The following PDZD2 variants were observed in gnomAD, a reference collection of about 807,000 sequenced individuals.
PDZD2 encodes the protein PDZ domain-containing protein 2.
Under a neutral mutation model 220.7 loss-of-function variants are expected in PDZD2, and 90 were observed. That is an observed-to-expected ratio of 0.41 (90% CI 0.34 to 0.49). The LOEUF is 0.49. Ranked by LOEUF, PDZD2 falls within the 20% of genes least tolerant of loss-of-function variation. PDZD2 has a pLI of 0.28. For missense variants in PDZD2, 3,174 were observed against 3,608.5 expected (o/e 0.88, Z 3.08); for synonymous variants, 1,375 against 1,450.5 (o/e 0.95, Z 1.18).
At position 32,057,990 on chromosome 5, in the gene PDZD2, A is replaced by C. The variant is rs35411942; in HGVS notation, c.2087A>C (p.Asn696Thr). The C allele has an allele frequency of 1.9e-6, 3 of 1,613,288 alleles. No individual in the cohort carries two copies. Among genetic ancestry groups the C allele is most frequent in the Non-Finnish European group, 1.7e-6 (2 of 1,179,454 alleles). Reference sequence around the variant, plus strand: ...AGCAGATCCGCCTCCCCGAACTTCAATACCAGTGGGGGAGCCTCAGCGGGA... The same window carrying C: ...AGCAGATCCGCCTCCCCGAACTTCACTACCAGTGGGGGAGCCTCAGCGGGA... ...HMSRSASPNF[N>T]TSGGASAGGS... Residue 696 changes from asparagine (N) to threonine (T), a missense_variant, in exon 12 of 25, where the codon AAT (asparagine) becomes ACT (threonine). Physicochemically the swap from Asn to Thr is moderately conservative, Grantham distance 65. This residue lies in a region of PDZD2 where 1,861 missense variants were observed against 2,001.0 expected (regional missense o/e 0.93). Transcript: ENST00000438447.
rs1487008519 is a variant in PDZD2, at chr5:31,733,191, A to G, written c.-360-65698A>G. ...TTCGGGGTGGGTTACCTTCCAGTGG[A>G]TAGTGCCTGGAAGGGAGTACAGGGG... On this transcript the variant is annotated intron_variant, in intron 1 of 24. Transcript: ENST00000438447. 2.6e-5 allele frequency among the ~76,000 whole-genome samples: 4 copies of G among 152,104 alleles called. No homozygotes were observed. In the East Asian group the frequency reaches 5.8e-4, roughly 22 times the overall value.
At chr5:32,104,810 T>C (rs1441998042) in intron 24 of PDZD2, among the ~76,000 whole-genome samples, 1 of 147,360 alleles carries the variant, frequency 6.8e-6, no homozygotes, top group Non-Finnish European at 1.5e-5. Context: ...GATTAGAAGA[T>C]ATTTACAATA....
chr5:32,042,420 AAAATT>A (rs1019478716), intron 7 of PDZD2, among the ~76,000 whole-genome samples: 14 of 151,446 alleles, frequency 9.2e-5, no homozygotes, highest in African/African-American at 3.2e-4. Context: ...AAAAAAAAAA[AAAATT>A]AGTTGGGTGT....
chr5:31,656,055 C>T (rs999145747), intron 1 of PDZD2, among the ~76,000 whole-genome samples: 7 of 152,172 alleles, frequency 4.6e-5, no homozygotes, highest in African/African-American at 1.4e-4. Flanking sequence ...AGGCATAGAC[C>T]CCATGCTGCA....
chr5:31,777,929 C>G (rs1296431410), intron 1 of PDZD2, among the ~76,000 whole-genome samples: 1 of 152,206 alleles, frequency 6.6e-6, no homozygotes, highest in Non-Finnish European at 1.5e-5. Context: ...AATCAGTGCT[C>G]TGTGTCTAGC....
intron 1 of PDZD2, among the ~76,000 whole-genome samples, chr5:31,775,379 C>A (rs1008680606): frequency 4.0e-5 from 6 of 151,642 alleles, no homozygotes; most frequent in African/African-American, 1.5e-4. Flanking sequence ...AAGCATGTGG[C>A]GGCTTGGCAG....
intron 2 of PDZD2, among the ~76,000 whole-genome samples, chr5:31,861,348 T>C (rs943549376): frequency 2.0e-5 from 3 of 152,214 alleles, no homozygotes; most frequent in Non-Finnish European, 4.4e-5. Context: ...GGTGGAGATT[T>C]ATTTATGCAT....
At position 32,098,993 on chromosome 5, in the gene PDZD2, A is replaced by G. The variant is rs1743999392; in HGVS notation, c.8218+359A>G. On this transcript the variant is annotated intron_variant, in intron 23 of 24. Transcript: ENST00000438447. This position sits in a 1 kb window ranked among gnomAD's most constrained non-coding sequence, Gnocchi z 4.1. ...ACGGGGCGAGCAGTGTTGAAGGAGA[A>G]ATTCCAGAACTAAGATTTATCCTTG... is the stretch of plus-strand genomic sequence containing the variant. 6.6e-6 allele frequency among the ~76,000 whole-genome samples: 1 copy of G among 152,068 alleles called. No individual in the cohort carries two copies. Among genetic ancestry groups the G allele is most frequent in the Non-Finnish European group, 1.5e-5 (1 of 68,014 alleles).
intron 2 of PDZD2, among the ~76,000 whole-genome samples, chr5:31,876,055 C>A (rs1199933660): frequency 1.3e-5 from 2 of 152,100 alleles, no homozygotes; most frequent in Non-Finnish European, 2.9e-5. Flanking sequence ...ATATTGACAT[C>A]TTTAAAATGT....
chr5:31,881,774 G>C (rs1389834824), intron 2 of PDZD2, among the ~76,000 whole-genome samples: 1 of 151,650 alleles, frequency 6.6e-6, no homozygotes, highest in Non-Finnish European at 1.5e-5. Flanking sequence ...GGAGTGCAGT[G>C]GCACGATCTC....
intron 1 of PDZD2, among the ~76,000 whole-genome samples, chr5:31,665,400 T>C (rs1745943647): frequency 6.6e-6 from 1 of 152,100 alleles, no homozygotes; most frequent in African/African-American, 2.4e-5. Context: ...CAAATTCAGC[T>C]TGTGTTCTGG....
chr5:31,938,826 A>G (rs1372538916), intron 2 of PDZD2, among the ~76,000 whole-genome samples: 1 of 152,132 alleles, frequency 6.6e-6, no homozygotes, highest in Non-Finnish European at 1.5e-5. Context: ...ACAGTATTTC[A>G]TTGTTATGTC....
At chr5:32,058,896 G>A (rs1011267098) in intron 12 of PDZD2, among the ~76,000 whole-genome samples, 16 of 152,146 alleles carry the variant, frequency 1.1e-4, no homozygotes, top group Non-Finnish European at 1.5e-5. Flanking sequence ...GTGTTAAAAA[G>A]AAAAGCAAAA....
At chr5:31,988,283 T>G (rs6878827) in intron 3 of PDZD2, among the ~76,000 whole-genome samples, 11,700 of 152,298 alleles carry the variant, frequency 0.077, 570 homozygotes, top group South Asian at 0.13. Context: ...ATTATCTGAT[T>G]CCTGGTTAAC....
intron 2 of PDZD2, among the ~76,000 whole-genome samples, chr5:31,914,494 C>T (rs952559937): frequency 6.6e-6 from 1 of 152,180 alleles, no homozygotes; most frequent in African/African-American, 2.4e-5. Flanking sequence ...CACCACTGCA[C>T]TCCAGCCTGG....
intron 1 of PDZD2, chr5:31,744,485 G>A (rs1750463360): frequency 2.0e-5 from 3 of 151,906 alleles, no homozygotes; most frequent in Admixed American, 6.6e-5. Context: ...AAAACGAGTT[G>A]TTTAAAGTGC....
chr5:31,787,924 G>A (rs80256824), intron 1 of PDZD2, among the ~76,000 whole-genome samples: 28,830 of 152,014 alleles, frequency 0.19, 3,281 homozygotes, highest in East Asian at 0.56. Flanking sequence ...CCAGTGGACC[G>A]CAGCCTCCAC....
At chr5:32,036,283 C>G (rs1380815855) in intron 6 of PDZD2, among the ~76,000 whole-genome samples, 1 of 152,142 alleles carries the variant, frequency 6.6e-6, no homozygotes, top group Non-Finnish European at 1.5e-5. Flanking sequence ...CCTTATATGC[C>G]TTTTTAAGTA....
rs187373323 is a variant in PDZD2 at position 31,734,714 on chromosome 5, C to G, written c.-360-64175C>G. Among the ~76,000 whole-genome samples, 206 of 152,254 alleles carry G rather than the reference C, an allele frequency of 1.4e-3. 1 individual carries two copies. The highest frequency in any genetic ancestry group is 4.7e-3 in the African/African-American group (197 of 41,552). On this transcript the variant is annotated intron_variant, in intron 1 of 24. Transcript: ENST00000438447. ...CAACTCCAGCTTCAGCCCCTCTCCC[C>G]TCCCCAGAGTTTGGGAAATGGGGCT...
Sources: gnomAD v4.1 joint callset for allele counts (sites outside exome capture counted in the v4.1 genomes callset) on GRCh38, gnomAD v4.1.1 for gene constraint, gnomAD v4.1.1 regional missense constraint, Gnocchi (gnomAD v3.1) non-coding constraint, MANE v1.5 for transcripts, NCBI Gene and HGNC (gene_info 2026-07-23, HGNC 2026-07-21) for gene names.